TRDMT1: variants seen among roughly 807,000 people sequenced by gnomAD.
TRDMT1 encodes tRNA (cytosine(38)-C(5))-methyltransferase.
TRDMT1 carries 49 observed loss-of-function variants against 51.2 expected under a neutral mutation model. The ratio of observed to expected loss-of-function variants is 0.96; its 90% CI spans 0.76 to 1.21. The LOEUF (loss-of-function observed/expected upper bound fraction) is 1.21, where lower values mean the gene tolerates loss of function less well. Among genes scored for constraint, TRDMT1 ranks in the 50% most tolerant of loss-of-function variants. The pLI, the probability that TRDMT1 is intolerant of heterozygous loss-of-function variation, is 0.00. For synonymous variants in TRDMT1, 187 were observed against 164.6 expected (o/e 1.14, Z -1.04); for missense variants, 534 against 462.3 (o/e 1.16, Z -1.42).
intron 6 of TRDMT1, 138 bp downstream of exon 6, chr10:17,160,167 C>A: frequency 2.2e-6 from 1 of 462,174 alleles, no homozygotes; most frequent in Non-Finnish European, 3.7e-6. Flanking sequence ...GGAAGGAAGA[C>A]CCATAATCTA....
intron 1 of TRDMT1, among the ~76,000 whole-genome samples, chr10:17,188,134 G>A (rs1337116686): frequency 6.6e-6 from 1 of 150,638 alleles, no homozygotes; most frequent in African/African-American, 2.4e-5. Context: ...GCTCTTAGGT[G>A]TTAACATGGG....
In TRDMT1 at chr10:17,174,559, T is replaced by A; in HGVS notation, c.166A>T (p.Thr56Ser). 1 of 1,609,448 alleles carries A rather than the reference T, an allele frequency of 6.2e-7. No homozygotes were observed. Among genetic ancestry groups the A allele is most frequent in the Non-Finnish European group, 8.5e-7 (1 of 1,175,888 alleles). Residue 56 changes from threonine (T) to serine (S), a missense_variant, in exon 2 of 11, where the codon ACG becomes TCG. By Grantham distance (58) the Thr-to-Ser change is moderately conservative. Coordinates refer to ENST00000377799, the MANE Select transcript of TRDMT1 (RefSeq NM_004412.7). ...CAATGACAATTACTCACTTCAATCG[T>A]CTTGGCAAGTAACTGTGTGTGAGGA... ...NFPHTQLLAK[T>S]IEGITLEEFD...
chr10:17,190,623 T>A lies in TRDMT1; in HGVS notation c.64+10948A>T, dbSNP rs115026217. On this transcript the variant is annotated intron_variant, in intron 1 of 10. Transcript: ENST00000377799. ...ATGTATTACAGAAAAATATTTGTTA[T>A]CTATTAAAATCTCACACACAACCAT... is the stretch of plus-strand genomic sequence containing the variant. 9.4e-3 allele frequency among the ~76,000 whole-genome samples: 1,429 copies of A among 152,300 alleles called. 28 individuals carry two copies. The highest frequency in any genetic ancestry group is 0.032 in the African/African-American group (1,335 of 41,564).
At chr10:17,151,822 T>C (rs972583560) in intron 10 of TRDMT1, 30 of 876,534 alleles carry the variant, frequency 3.4e-5, no homozygotes, top group Middle Eastern at 3.4e-4. Context: ...TTCATAAACA[T>C]TGACTCATTT....
intron 7 of TRDMT1, among the ~76,000 whole-genome samples, chr10:17,158,462 T>C (rs1220053882): frequency 6.6e-6 from 1 of 152,136 alleles, no homozygotes; most frequent in African/African-American, 2.4e-5. Flanking sequence ...AAGGGAGCAA[T>C]ATTAGTATCA....
chr10:17,185,117 T>C (rs1408108892), intron 1 of TRDMT1, among the ~76,000 whole-genome samples: 1 of 152,188 alleles, frequency 6.6e-6, no homozygotes, highest in Non-Finnish European at 1.5e-5. Flanking sequence ...ATAACTATAA[T>C]AGGACATGGA....
intron 1 of TRDMT1, among the ~76,000 whole-genome samples, chr10:17,189,898 G>A (rs1396875274): frequency 6.6e-6 from 1 of 152,082 alleles, no homozygotes. Flanking sequence ...CATTCATTGA[G>A]TACTAGAGGG....
At chr10:17,156,918 A>G (rs1463066657) in intron 8 of TRDMT1, among the ~76,000 whole-genome samples, 2 of 152,170 alleles carry the variant, frequency 1.3e-5, no homozygotes, top group African/African-American at 2.4e-5. Flanking sequence ...AGAGACAGAA[A>G]TGGAAGGGAG....
rs952151205 is a variant in TRDMT1, at chr10:17,142,361, C to G, written c.*6679G>C. On this transcript the variant is annotated 3_prime_UTR_variant, in exon 11 of 11. Transcript: ENST00000377799. Reference sequence around the variant, plus strand: ...TCCAGTGGTAATTTAGTTTTTAAAGCCTTTGCAGTGTTATTTTGGTCTGCT... The same window carrying G: ...TCCAGTGGTAATTTAGTTTTTAAAGGCTTTGCAGTGTTATTTTGGTCTGCT... 2 of 152,110 alleles carry G rather than the reference C, an allele frequency of 1.3e-5. No homozygotes were observed. Among genetic ancestry groups the G allele is most frequent in the Admixed American group, 6.5e-5 (1 of 15,270 alleles). 9.4% of individuals were successfully genotyped at this position (152,110 alleles called of 1,614,324 possible). A position where few individuals can be genotyped will look rare whatever the true frequency, so the allele number is the denominator to read the frequency against.
At position 17,137,948 on chromosome 10, in the gene TRDMT1, G is replaced by A. The variant is rs557388376; in HGVS notation, c.*11092C>T. Among the ~76,000 whole-genome samples the A allele has an allele frequency of 6.6e-6, 1 of 152,286 alleles. No individual in the cohort carries two copies. Among genetic ancestry groups the A allele is most frequent in the East Asian group, 1.9e-4 (1 of 5,180 alleles). On this transcript the variant is annotated 3_prime_UTR_variant, in exon 11 of 11. Coordinates refer to ENST00000377799, the MANE Select transcript of TRDMT1 (RefSeq NM_004412.7). ...GGCCTTAAGTGGCAGGTTAAAGAAT[G>A]TTGATTTAATCTTTTTAATAGGGGG...
intron 8 of TRDMT1, among the ~76,000 whole-genome samples, chr10:17,156,760 G>A (rs1348362178): frequency 2.0e-4 from 31 of 152,036 alleles, no homozygotes; most frequent in Non-Finnish European, 7.4e-5. Flanking sequence ...GAAAAAAGGG[G>A]CATATATATA....
At chr10:17,160,591 C>T (rs1564574152) in intron 5 of TRDMT1, among the ~76,000 whole-genome samples, 1 of 152,092 alleles carries the variant, frequency 6.6e-6, no homozygotes, top group Non-Finnish European at 1.5e-5. Context: ...CTGCCTCAGT[C>T]TCCTGAGTAA....
intron 8 of TRDMT1, among the ~76,000 whole-genome samples, chr10:17,155,172 C>T (rs1288343412): frequency 6.6e-6 from 1 of 152,056 alleles, no homozygotes; most frequent in Non-Finnish European, 1.5e-5. Context: ...CAAGATCACG[C>T]CACTGCACTC....
chr10:17,157,763 T>A lies in TRDMT1; in HGVS notation c.565A>T (p.Ile189Phe). Residue 189 changes from isoleucine (I) to phenylalanine (F), a missense_variant, in exon 8 of 11, where the codon ATT becomes TTT. Coordinates refer to ENST00000377799, the MANE Select transcript of TRDMT1 (RefSeq NM_004412.7). ...PGQVLMEFPK[I>F]ESVHPQKYAM... ...TATTTTTGTGGATGTACAGATTCAA[T>A]TTTGGGGAACTCCATCAGTACCTGG... The A allele has an allele frequency of 3.1e-6, 5 of 1,596,438 alleles. No individual in the cohort carries two copies. The highest frequency in any genetic ancestry group is 4.3e-6 in the Non-Finnish European group (5 of 1,172,706).
rs754324720 is a variant in TRDMT1, at chr10:17,139,303, G to GAA, written c.*9735_*9736dup. ...GACACCATTCATACGATAATCAAAG[G>GAA]AAAATGTCTGATTGCACTCAGACTT... On this transcript the variant is annotated 3_prime_UTR_variant, in exon 11 of 11. Coordinates refer to ENST00000377799, the MANE Select transcript of TRDMT1 (RefSeq NM_004412.7). 2,041 of 725,476 alleles carry GAA rather than the reference G, an allele frequency of 2.8e-3. 2 individuals carry two copies. Among genetic ancestry groups the GAA allele is most frequent in the Non-Finnish European group, 3.2e-3 (1,910 of 592,554 alleles). 44.9% of individuals were successfully genotyped at this position (725,476 alleles called of 1,614,324 possible). A position where few individuals can be genotyped will look rare whatever the true frequency, so the allele number is the denominator to read the frequency against.
chr10:17,152,177 C>A (rs911030658), intron 10 of TRDMT1: 11 of 1,028,574 alleles, frequency 1.1e-5, no homozygotes, highest in Non-Finnish European at 1.4e-5. Flanking sequence ...CTCAGCTCTT[C>A]TATTTGTTTT....
Position 17,145,339 on chromosome 10 carries a change from G to A in TRDMT1, c.*3701C>T. On this transcript the variant is annotated 3_prime_UTR_variant, in exon 11 of 11. Coordinates refer to ENST00000377799, the MANE Select transcript of TRDMT1 (RefSeq NM_004412.7). ...CATAACTAGACATCTTGGTGGGTGT[G>A]ACAGAGGTCCAGAAAAGTGCTTGCT... 1 of 985,422 alleles carries A rather than the reference G, an allele frequency of 1.0e-6. No individual in the cohort carries two copies. Among genetic ancestry groups the A allele is most frequent in the African/African-American group, 1.7e-5 (1 of 57,334 alleles). 61.0% of individuals were successfully genotyped at this position (985,422 alleles called of 1,614,324 possible).
At chr10:17,159,121 C>T in intron 7 of TRDMT1, 25 bp downstream of exon 7, 4 of 1,441,632 alleles carry the variant, frequency 2.8e-6, no homozygotes, top group Non-Finnish European at 3.8e-6. Flanking sequence ...CCATAATATT[C>T]ATAATAAAAT....
rs373120572 is a variant in TRDMT1, at chr10:17,139,154, C to T, written c.*9886G>A. 1.8e-5 allele frequency: 18 copies of T among 984,346 alleles called. No individual in the cohort carries two copies. In the East Asian group the frequency reaches 9.1e-4, roughly 50 times the overall value. The allele number at this position is 984,346 out of a possible 1,614,324, so 61.0% of individuals were successfully genotyped here. A position where few individuals can be genotyped will look rare whatever the true frequency, so the allele number is the denominator to read the frequency against. The stretch of plus-strand genomic sequence containing the variant: ...GTTTCCAAGGTGTGAAGCAATGAAG[C>T]GGAGTTTACCATAGGTGAACCCTCC... On this transcript the variant is annotated 3_prime_UTR_variant, in exon 11 of 11. Coordinates refer to ENST00000377799, the MANE Select transcript of TRDMT1 (RefSeq NM_004412.7).
Sources: allele counts gnomAD v4.1 joint callset (sites outside exome capture counted in the v4.1 genomes callset), GRCh38; gene constraint gnomAD v4.1.1; transcripts MANE v1.5; gene names NCBI Gene and HGNC (gene_info 2026-07-23, HGNC 2026-07-21).